Variants in STXBP3 observed in about 807,000 individuals in gnomAD.
STXBP3 encodes syntaxin binding protein 3, also known as syntaxin-binding protein 3.
A neutral mutation model predicts 85.7 loss-of-function variants in STXBP3; 41 were observed. The observed-to-expected ratio is 0.48, with a 90% CI of 0.37 to 0.62. STXBP3 has a LOEUF of 0.62. STXBP3 is among the 20% of genes least tolerant of loss of function. STXBP3 has a pLI of 0.00. For missense variants in STXBP3, 563 were observed against 703.1 expected, an observed-to-expected ratio of 0.80 and a Z score of 2.25; for synonymous variants, 229 against 231.7, an observed-to-expected ratio of 0.99 and a Z score of 0.10.
intron 6 of STXBP3, among the ~76,000 whole-genome samples, chr1:108,762,047 G>C (rs1401766767): frequency 6.6e-6 from 1 of 152,116 alleles, no homozygotes; most frequent in Non-Finnish European, 1.5e-5. Context: ...TTGGATTTTT[G>C]ATTGTTTGCA....
chr1:108,791,010 T>C (rs1271561242), intron 11 of STXBP3, among the ~76,000 whole-genome samples: 2 of 152,226 alleles, frequency 1.3e-5, no homozygotes, highest in African/African-American at 2.4e-5. Context: ...TGGTACTGTT[T>C]ATTTCTTACT....
chr1:108,803,190 T>C (rs991344514), intron 17 of STXBP3, among the ~76,000 whole-genome samples: 2 of 152,216 alleles, frequency 1.3e-5, no homozygotes, highest in African/African-American at 2.4e-5. Context: ...TTACTAAGCA[T>C]ATTTGACTCA....
At chr1:108,788,636 T>C (rs1276063094) in intron 11 of STXBP3, among the ~76,000 whole-genome samples, 2 of 152,188 alleles carry the variant, frequency 1.3e-5, no homozygotes, top group East Asian at 3.8e-4. Flanking sequence ...TATCGCATTT[T>C]TCAGGGAATT....
intron 11 of STXBP3, 83 bp downstream of exon 11, chr1:108,782,789 T>A: frequency 7.5e-7 from 1 of 1,326,260 alleles, no homozygotes; most frequent in Non-Finnish European, 1.0e-6. Flanking sequence ...TTTCTGTAAC[T>A]TTTTATTTTT....
At chr1:108,754,630 C>T (rs1308536629) in intron 3 of STXBP3, among the ~76,000 whole-genome samples, 4 of 152,112 alleles carry the variant, frequency 2.6e-5, no homozygotes, top group African/African-American at 7.2e-5. Context: ...TGTATGCTCA[C>T]TATTAATAGA....
chr1:108,769,358 T>C (rs1662333928), intron 6 of STXBP3, among the ~76,000 whole-genome samples: 1 of 152,086 alleles, frequency 6.6e-6, no homozygotes, highest in Non-Finnish European at 1.5e-5. Context: ...TTGAAAAAAA[T>C]CTGCATATAA....
rs777553652 is a variant in STXBP3 at position 108,782,655 on chromosome 1, T to G, written c.912T>G (p.Ile304Met). ...TTCTCTCACAATTTGACAGGGAAATTCCCAAGCTTATGAAAGAAATTTCAT... is the reference window on the plus strand; with the variant it reads ...TTCTCTCACAATTTGACAGGGAAATGCCCAAGCTTATGAAAGAAATTTCAT... ...HRHIAVVLEE[I>M]PKLMKEISST... The change falls in exon 11 of 19, where the codon ATT becomes ATG. Residue 304 changes from isoleucine to methionine, a missense_variant. This residue lies in a region of STXBP3 where 494 missense variants were observed against 592.8 expected (regional missense o/e 0.83). Transcript: ENST00000370008. 5 of 1,608,942 alleles carry G rather than the reference T, an allele frequency of 3.1e-6. No homozygotes were observed. The highest frequency in any genetic ancestry group is 3.4e-6 in the Non-Finnish European group (4 of 1,178,524).
At chr1:108,759,905 A>C in intron 5 of STXBP3, 80 bp from the exon 6 acceptor site, 2 of 832,292 alleles carry the variant, frequency 2.4e-6, no homozygotes, top group Non-Finnish European at 3.9e-6. Flanking sequence ...ATGTATAACT[A>C]TTCTTGGATG....
At chr1:108,801,673 T>TA (rs397981153) in intron 17 of STXBP3, among the ~76,000 whole-genome samples, 1 of 151,464 alleles carries the variant, frequency 6.6e-6, no homozygotes, top group Non-Finnish European at 1.5e-5. Flanking sequence ...TTTTTTTTTT[T>TA]AAATAGAGGC....
chr1:108,776,257 T>C (rs1662590532), intron 7 of STXBP3, 76 bp from the exon 8 acceptor site: 1 of 951,250 alleles, frequency 1.1e-6, no homozygotes, highest in Non-Finnish European at 1.5e-6. Context: ...AGTTTAATTT[T>C]AGAATTAAAC....
At chr1:108,798,284 A>G in intron 16 of STXBP3, 47 bp downstream of exon 16, 1 of 1,460,708 alleles carries the variant, frequency 6.8e-7, no homozygotes, top group Non-Finnish European at 9.5e-7. Context: ...CCCTCTTTAG[A>G]GTATTCTTTA....
chr1:108,809,415 A>G lies in STXBP3; in HGVS notation c.*538A>G, dbSNP rs1338005216. On this transcript the variant is annotated 3_prime_UTR_variant, in exon 19 of 19. Transcript: ENST00000370008. Reference sequence around the variant, plus strand: ...TTCACAGTGTGTACTGTTTTGCCACATACTTCTAAAGAACACAATTTTATA... The same window carrying G: ...TTCACAGTGTGTACTGTTTTGCCACGTACTTCTAAAGAACACAATTTTATA... 1 of 152,652 alleles carries G rather than the reference A, an allele frequency of 6.6e-6. No individual in the cohort carries two copies. The highest frequency in any genetic ancestry group is 1.5e-5 in the Non-Finnish European group (1 of 68,044). The allele number at this position is 152,652 out of a possible 1,614,324, so 9.5% of individuals were successfully genotyped here. A position where few individuals can be genotyped will look rare whatever the true frequency, so the allele number is the denominator to read the frequency against.
At chr1:108,780,443 CCCTT>C (rs1191086528) in intron 9 of STXBP3, 1 of 151,766 alleles carries the variant, frequency 6.6e-6, no homozygotes, top group Non-Finnish European at 1.5e-5. Flanking sequence ...CTACTATACT[CCCTT>C]CTTTCTGAAT....
At position 108,772,699 on chromosome 1, in the gene STXBP3, ACTGTTATAGT is replaced by A; in HGVS notation, c.475_484del (p.Cys159GlnfsTer20). ...CTTGATGTACCAGATGCATTCTATT[ACTGTTATAGT>A]CCAGACCCTGGTAATGCAAAGGGAA... is the stretch of plus-strand genomic sequence containing the variant. On this transcript the variant is annotated frameshift_variant, in exon 7 of 19. Coordinates refer to ENST00000370008, the MANE Select transcript of STXBP3 (RefSeq NM_007269.4). LOFTEE classifies it high-confidence loss of function. 1 of 1,566,018 alleles carries A rather than the reference ACTGTTATAGT, an allele frequency of 6.4e-7. No homozygotes were observed. Among genetic ancestry groups the A allele is most frequent in the Non-Finnish European group, 8.7e-7 (1 of 1,153,652 alleles).
In STXBP3 at chr1:108,796,219, T is replaced by C; in HGVS notation, c.1111-15T>C. On this transcript the variant is annotated splice_polypyrimidine_tract_variant and intron_variant, in intron 13 of 18. Coordinates refer to ENST00000370008, the MANE Select transcript of STXBP3 (RefSeq NM_007269.4). ...TTTGGTTATAGATCACTGACAATAT[T>C]TTATTTTCATTAAGGACCTGGCACT... The C allele has an allele frequency of 6.3e-7, 1 of 1,596,598 alleles. No individual in the cohort carries two copies. Among genetic ancestry groups the C allele is most frequent in the Non-Finnish European group, 8.5e-7 (1 of 1,175,242 alleles).
In STXBP3 at chr1:108,746,704, A is replaced by G. The variant is rs577664677; in HGVS notation, c.-34A>G. ...TGCGGCCAAAGTAGGTTGGGAGTGGAAGGTGGTGGCTGCTGCTCCGCAGTG... is the reference window on the plus strand; with the variant it reads ...TGCGGCCAAAGTAGGTTGGGAGTGGGAGGTGGTGGCTGCTGCTCCGCAGTG... On this transcript the variant is annotated 5_prime_UTR_variant, in exon 1 of 19. Transcript: ENST00000370008. The G allele has an allele frequency of 2.3e-5, 35 of 1,547,576 alleles. No homozygotes were observed. The South Asian group carries it at 3.6e-4, about 16-fold the overall frequency.
intron 17 of STXBP3, among the ~76,000 whole-genome samples, 181 bp from the exon 18 acceptor site, chr1:108,807,220 T>C (rs577027225): frequency 7.1e-6 from 1 of 140,560 alleles, no homozygotes; most frequent in Non-Finnish European, 1.5e-5. Flanking sequence ...ATCGCTCCAC[T>C]GCAGTCCAGC....
Position 108,753,055 on chromosome 1 carries a change from G to T in STXBP3, c.100-8G>T. 6.4e-7 allele frequency: 1 copy of T among 1,552,692 alleles called. No individual in the cohort carries two copies. The highest frequency in any genetic ancestry group is 8.7e-7 in the Non-Finnish European group (1 of 1,153,336). On this transcript the variant is annotated splice_polypyrimidine_tract_variant and splice_region_variant and intron_variant, in intron 2 of 18. Transcript: ENST00000370008. ...TTACAGTATTTTTAAATTTGTGTTT[G>T]TTTTAAGATAATGCTTTTAGATGAA...
In STXBP3 at chr1:108,809,193, T is replaced by C. The variant is rs1383132953; in HGVS notation, c.*316T>C. ...CACCTATGTACATACTAATTACCCA[T>C]TGGATACTTATATCTAAAAGTCTCA... On this transcript the variant is annotated 3_prime_UTR_variant, in exon 19 of 19. Transcript: ENST00000370008. The C allele has an allele frequency of 1.1e-5, 2 of 177,068 alleles. No homozygotes were observed. The highest frequency in any genetic ancestry group is 2.3e-5 in the Non-Finnish European group (2 of 85,282). 11.0% of individuals were successfully genotyped at this position (177,068 alleles called of 1,614,324 possible). A position where few individuals can be genotyped will look rare whatever the true frequency, so the allele number is the denominator to read the frequency against.
Sources: gnomAD v4.1 joint callset for allele counts (sites outside exome capture counted in the v4.1 genomes callset) on GRCh38, gnomAD v4.1.1 for gene constraint, gnomAD v4.1.1 regional missense constraint, MANE v1.5 for transcripts, NCBI Gene and HGNC (gene_info 2026-07-23, HGNC 2026-07-21) for gene names.